Variants in TNKS observed in about 807,000 individuals in gnomAD.
TNKS encodes the protein poly [ADP-ribose] polymerase tankyrase-1.
In TNKS, 72 loss-of-function variants were observed where a neutral mutation model predicts 135.8. That is an observed-to-expected ratio of 0.53 (90% confidence interval 0.44 to 0.64). The LOEUF is 0.64. TNKS is among the 30% of genes least tolerant of loss of function. The probability of loss-of-function intolerance (pLI) is 0.00; values close to 1 mark genes in which losing one functional copy is unlikely to be tolerated. For missense variants in TNKS, 1,769 were observed against 1,674.0 expected, an observed-to-expected ratio of 1.06 and a Z score of -0.99; for synonymous variants, 849 against 649.3, an observed-to-expected ratio of 1.31 and a Z score of -4.68.
intron 1 of TNKS, among the ~76,000 whole-genome samples, chr8:9,569,649 C>T (rs890646010): frequency 2.0e-5 from 3 of 152,142 alleles, no homozygotes; most frequent in African/African-American, 7.2e-5. Flanking sequence ...TTTTTGTACA[C>T]GTCTGTAAAC....
rs1460451364 is a variant in TNKS, at chr8:9,559,347, A to C, written c.673+2735A>C. Among the ~76,000 whole-genome samples the C allele has an allele frequency of 2.0e-5, 3 of 152,182 alleles. No homozygotes were observed. The East Asian group carries it at 5.8e-4, about 29-fold the overall frequency. ...GGAATTAAAAGGGTGAGCCCAAGCT[A>C]GCCAAGCAAAGGTTGGAAGGGACGA... On this transcript the variant is annotated intron_variant, in intron 1 of 26. Transcript: ENST00000310430.
intron 5 of TNKS, among the ~76,000 whole-genome samples, chr8:9,688,075 G>A (rs1803092368): frequency 6.6e-6 from 1 of 152,164 alleles, no homozygotes; most frequent in South Asian, 2.1e-4. Flanking sequence ...CCAACTGAAT[G>A]GATGCTGGAT....
chr8:9,582,555 T>G (rs1233856980), intron 2 of TNKS, among the ~76,000 whole-genome samples: 1 of 152,244 alleles, frequency 6.6e-6, no homozygotes, highest in Non-Finnish European at 1.5e-5. Context: ...GGCAGGTTGC[T>G]GTAGAGCACA....
At chr8:9,751,576 T>G (rs1404291888) in intron 18 of TNKS, 33 bp from the exon 19 acceptor site, 1 of 1,584,158 alleles carries the variant, frequency 6.3e-7, no homozygotes, top group African/African-American at 1.4e-5. Flanking sequence ...TATATAGTAT[T>G]TTCATGGTTT....
intron 1 of TNKS, among the ~76,000 whole-genome samples, chr8:9,565,228 C>T (rs1284764663): frequency 6.6e-6 from 1 of 152,020 alleles, no homozygotes; most frequent in Non-Finnish European, 1.5e-5. Flanking sequence ...TTTTTTTAAG[C>T]TGTTTTTTGG....
intron 3 of TNKS, among the ~76,000 whole-genome samples, chr8:9,678,770 A>G (rs1486787819): frequency 6.6e-6 from 1 of 152,230 alleles, no homozygotes; most frequent in Admixed American, 6.5e-5. Flanking sequence ...ATTTACACAT[A>G]AGATTTTTTA....
intron 3 of TNKS, among the ~76,000 whole-genome samples, chr8:9,675,624 G>C (rs1802500453): frequency 6.6e-6 from 1 of 152,128 alleles, no homozygotes; most frequent in Non-Finnish European, 1.5e-5. Context: ...TTTTTTGCTT[G>C]TTATATTGAT....
chr8:9,642,306 A>G (rs1337897505), intron 3 of TNKS, among the ~76,000 whole-genome samples: 8 of 146,570 alleles, frequency 5.5e-5, no homozygotes. Flanking sequence ...AGTTTTTAGT[A>G]TTTGAACGGT....
chr8:9,702,620 T>C (rs1389009249), intron 5 of TNKS, among the ~76,000 whole-genome samples: 1 of 152,252 alleles, frequency 6.6e-6, no homozygotes, highest in East Asian at 1.9e-4. Flanking sequence ...TGATACTCCC[T>C]GACAGTATCA....
chr8:9,746,607 G>T (rs1806247918), intron 17 of TNKS, among the ~76,000 whole-genome samples: 1 of 151,890 alleles, frequency 6.6e-6, no homozygotes, highest in Non-Finnish European at 1.5e-5. Flanking sequence ...TTTCCTTAAT[G>T]AGCTCATTTA....
chr8:9,767,137 G>A (rs1304288540), intron 25 of TNKS, among the ~76,000 whole-genome samples: 1 of 152,170 alleles, frequency 6.6e-6, no homozygotes, highest in African/African-American at 2.4e-5. Context: ...ATTTACTTCT[G>A]ATGTTGCTGG....
In TNKS at chr8:9,782,158, G is replaced by C. The variant is rs1808482738; in HGVS notation, c.*5422G>C. ...AGTCATCATCTCGTCACCTGAAATG[G>C]AAGTCCTTTTTCCCTCACCCTCCAC... On this transcript the variant is annotated 3_prime_UTR_variant, in exon 27 of 27. Transcript: ENST00000310430. The C allele has an allele frequency of 6.6e-6, 1 of 152,540 alleles. No homozygotes were observed. Among genetic ancestry groups the C allele is most frequent in the Admixed American group, 6.5e-5 (1 of 15,272 alleles). 9.4% of individuals were successfully genotyped at this position (152,540 alleles called of 1,614,324 possible).
intron 2 of TNKS, among the ~76,000 whole-genome samples, chr8:9,594,576 A>G (rs1295271967): frequency 6.6e-6 from 1 of 152,168 alleles, no homozygotes; most frequent in Non-Finnish European, 1.5e-5. Context: ...GTAAAATGAG[A>G]TCATTCCACC....
In TNKS at chr8:9,730,872, G is replaced by C; in HGVS notation, c.2002-18G>C. 6.2e-7 allele frequency: 1 copy of C among 1,607,060 alleles called. No homozygotes were observed. Among genetic ancestry groups the C allele is most frequent in the South Asian group, 1.1e-5 (1 of 90,006 alleles). ...TAATGTTCGTTTTGTGTTTGTCTTT[G>C]TGTGTGCACCACGAAAGCAACTTTG... On this transcript the variant is annotated intron_variant, in intron 13 of 26. Transcript: ENST00000310430.
chr8:9,743,113 C>T (rs778186983), intron 17 of TNKS, among the ~76,000 whole-genome samples: 7 of 152,204 alleles, frequency 4.6e-5, no homozygotes, highest in Non-Finnish European at 1.0e-4. Flanking sequence ...GATGCTTGAA[C>T]TAGCCTGGCC....
At chr8:9,578,096 C>T (rs770017761) in intron 1 of TNKS, among the ~76,000 whole-genome samples, 7 of 152,208 alleles carry the variant, frequency 4.6e-5, no homozygotes, top group Non-Finnish European at 8.8e-5. Flanking sequence ...AAGGGGTGGG[C>T]TCCCAAGGCC....
At chr8:9,656,525 G>C (rs1254231476) in intron 3 of TNKS, among the ~76,000 whole-genome samples, 1 of 151,914 alleles carries the variant, frequency 6.6e-6, no homozygotes, top group Non-Finnish European at 1.5e-5. Context: ...AAGCCCATCA[G>C]ACTAACAGCT....
At chr8:9,578,848 G>C (rs181354674) in intron 1 of TNKS, among the ~76,000 whole-genome samples, 134 of 152,236 alleles carry the variant, frequency 8.8e-4, no homozygotes, top group Non-Finnish European at 1.6e-3. Flanking sequence ...TAAGATTCTA[G>C]CTTGTGAATA....
At chr8:9,759,054 T>C (rs554110658) in intron 20 of TNKS, among the ~76,000 whole-genome samples, 1 of 152,300 alleles carries the variant, frequency 6.6e-6, no homozygotes, top group South Asian at 2.1e-4. Flanking sequence ...CTGTATAACA[T>C]GGTTTCTTGC....
Sources: allele counts gnomAD v4.1 joint callset (sites outside exome capture counted in the v4.1 genomes callset), GRCh38; gene constraint gnomAD v4.1.1; transcripts MANE v1.5; gene names NCBI Gene and HGNC (gene_info 2026-07-23, HGNC 2026-07-21).